ARHGEF10L: variants seen among roughly 807,000 people sequenced by gnomAD.
The protein encoded by ARHGEF10L is Rho guanine nucleotide exchange factor 10 like, also known as rho guanine nucleotide exchange factor 10-like protein.
In ARHGEF10L, 69 loss-of-function variants were observed where a neutral mutation model predicts 141.2. The ratio of observed to expected loss-of-function variants is 0.49; its 90% CI spans 0.40 to 0.60. The LOEUF is 0.60. ARHGEF10L is among the 20% of genes least tolerant of loss of function. The pLI is 0.00. For missense variants in ARHGEF10L, 1,482 were observed against 1,734.3 expected, an observed-to-expected ratio of 0.85 and a Z score of 2.58; for synonymous variants, 711 against 718.5, an observed-to-expected ratio of 0.99 and a Z score of 0.17.
intron 26 of ARHGEF10L, 45 bp downstream of exon 26, chr1:17,664,640 C>G (rs1276362733): frequency 1.4e-6 from 2 of 1,473,666 alleles, no homozygotes; most frequent in African/African-American, 2.8e-5. Flanking sequence ...GCCTGCCTTC[C>G]TTTTGCTGAC....
chr1:17,642,494 G>A (rs2061381548), intron 21 of ARHGEF10L, among the ~76,000 whole-genome samples: 1 of 152,172 alleles, frequency 6.6e-6, no homozygotes, highest in Non-Finnish European at 1.5e-5. Flanking sequence ...ATAGTGTCCC[G>A]ATCTGATTTT....
rs1456454375 is a variant in ARHGEF10L, at chr1:17,588,474, C to T, written c.252C>T (p.Gly84=). The T allele has an allele frequency of 1.2e-6, 2 of 1,613,980 alleles. No individual in the cohort carries two copies. The highest frequency in any genetic ancestry group is 1.7e-6 in the Non-Finnish European group (2 of 1,179,936). Residue 84 remains glycine (G), a synonymous_variant, in exon 4 of 29, where the codon GGC becomes GGT. Coordinates refer to ENST00000361221, the MANE Select transcript of ARHGEF10L (RefSeq NM_018125.4). ...TDPDPAAAPP[G]TGVPAWVSNG... ...CAGACCCAGCAGCTGCTCCACCCGG[C>T]ACAGGGTAAGTGAACCTTGCTCCTT...
chr1:17,533,378 C>T, the ARHGEF10L span, among the ~76,000 whole-genome samples: 1 of 151,960 alleles, frequency 6.6e-6, no homozygotes, highest in Non-Finnish European at 1.5e-5. Context: ...CTATGTTGCC[C>T]AGGCTGGTCT....
chr1:17,568,570 G>A (rs1216690649), intron 1 of ARHGEF10L, among the ~76,000 whole-genome samples: 1 of 152,230 alleles, frequency 6.6e-6, no homozygotes, highest in Non-Finnish European at 1.5e-5. Flanking sequence ...CACTGGGCAA[G>A]CAGTGGTGTC....
At chr1:17,635,230 A>C (rs2060929325) in intron 18 of ARHGEF10L, among the ~76,000 whole-genome samples, 1 of 152,018 alleles carries the variant, frequency 6.6e-6, no homozygotes, top group African/African-American at 2.4e-5. Context: ...GCATCTCCCA[A>C]TCCACACACT....
intron 27 of ARHGEF10L, 156 bp from the exon 28 acceptor site, chr1:17,695,002 G>C (rs1015669078): frequency 1.8e-6 from 2 of 1,087,760 alleles, no homozygotes; most frequent in Non-Finnish European, 2.8e-6. Context: ...AGGCAGGTCA[G>C]CCTCCAAAGC....
chr1:17,637,576 G>A (rs1016457799), intron 18 of ARHGEF10L, among the ~76,000 whole-genome samples: 2 of 151,984 alleles, frequency 1.3e-5, no homozygotes, highest in African/African-American at 4.8e-5. Flanking sequence ...TCGGCTCACT[G>A]CAAGCTCCGC....
intron 26 of ARHGEF10L, among the ~76,000 whole-genome samples, chr1:17,670,211 C>T (rs1410569112): frequency 5.3e-5 from 8 of 152,264 alleles, no homozygotes; most frequent in Admixed American, 4.6e-4. Flanking sequence ...GCGCCTTGTC[C>T]AGCTGGTCCC....
At chr1:17,606,374 G>C (rs2081172362) in intron 6 of ARHGEF10L, among the ~76,000 whole-genome samples, 2 of 151,368 alleles carry the variant, frequency 1.3e-5, no homozygotes, top group African/African-American at 2.4e-5. Context: ...GCTCACTGCA[G>C]CTTCCGCCTC....
intron 4 of ARHGEF10L, among the ~76,000 whole-genome samples, chr1:17,598,203 G>A (rs961665438): frequency 9.9e-5 from 15 of 151,892 alleles, no homozygotes; most frequent in African/African-American, 3.6e-4. Context: ...CCGGGTTCAA[G>A]CGATTCTCCC....
intron 1 of ARHGEF10L, among the ~76,000 whole-genome samples, chr1:17,574,897 G>A (rs1027368384): frequency 6.6e-6 from 1 of 152,132 alleles, no homozygotes. Context: ...TCCGGGCCCC[G>A]GGCTTTCAGG....
At chr1:17,569,446 GCTGCTGGC>G (rs1299424518) in intron 1 of ARHGEF10L, among the ~76,000 whole-genome samples, 2 of 152,214 alleles carry the variant, frequency 1.3e-5, no homozygotes, top group Non-Finnish European at 2.9e-5. Context: ...GACCTCAGAT[GCTGCTGGC>G]CTGCTTGCCC....
upstream of ARHGEF10L, among the ~76,000 whole-genome samples, chr1:17,534,880 T>G (rs536628636): frequency 6.6e-6 from 1 of 152,256 alleles, no homozygotes; most frequent in Non-Finnish European, 1.5e-5. Flanking sequence ...TGAGCCACCA[T>G]GCCGGGCCAC....
intron 22 of ARHGEF10L, among the ~76,000 whole-genome samples, chr1:17,650,504 A>G (rs1294212517): frequency 6.6e-6 from 1 of 151,918 alleles, no homozygotes; most frequent in Non-Finnish European, 1.5e-5. Context: ...AGGCCAAGGC[A>G]GGTGGATCAC....
At chr1:17,567,297 A>C (rs1316349531) in intron 1 of ARHGEF10L, among the ~76,000 whole-genome samples, 3 of 152,164 alleles carry the variant, frequency 2.0e-5, no homozygotes, top group Admixed American at 1.3e-4. Context: ...TCCTGTGTCA[A>C]GTGACATTGG....
chr1:17,583,343 T>C (rs557790066), intron 2 of ARHGEF10L, among the ~76,000 whole-genome samples: 2 of 152,092 alleles, frequency 1.3e-5, no homozygotes, highest in African/African-American at 2.4e-5. Flanking sequence ...GACTGGGCTA[T>C]GACAAGGCTG....
In ARHGEF10L at chr1:17,654,004, C is replaced by T. The variant is rs542333750; in HGVS notation, c.2395-632C>T. On this transcript the variant is annotated intron_variant, in intron 22 of 28. Coordinates refer to ENST00000361221, the MANE Select transcript of ARHGEF10L (RefSeq NM_018125.4). This position sits in a 1 kb window ranked among gnomAD's most constrained non-coding sequence, Gnocchi z 4.3. ...GTGGTCGGCTGCATCCTCCTTCCAG[C>T]CAAGAGCAGTCTCTACTCTGTCTTC... is the stretch of plus-strand genomic sequence containing the variant. Among the ~76,000 whole-genome samples the T allele has an allele frequency of 6.6e-6, 1 of 152,348 alleles. No homozygotes were observed. Among genetic ancestry groups the T allele is most frequent in the East Asian group, 1.9e-4 (1 of 5,190 alleles).
At position 17,603,600 on chromosome 1, in the gene ARHGEF10L, T is replaced by G; in HGVS notation, c.433+9T>G. 1 of 1,606,802 alleles carries G rather than the reference T, an allele frequency of 6.2e-7. No individual in the cohort carries two copies. The highest frequency in any genetic ancestry group is 8.5e-7 in the Non-Finnish European group (1 of 1,176,140). On this transcript the variant is annotated intron_variant, in intron 6 of 28. Transcript: ENST00000361221. The surrounding 1 kb of genome is among the most constrained non-coding windows in gnomAD (Gnocchi z 4.8). ...AGATGCGCATCAGCCCGGTATGATGTCTGCAGTGCTTCCCTGTTTCTCTTG... is the reference window on the plus strand; with the variant it reads ...AGATGCGCATCAGCCCGGTATGATGGCTGCAGTGCTTCCCTGTTTCTCTTG...
chr1:17,606,722 G>A (rs938572906), intron 6 of ARHGEF10L, among the ~76,000 whole-genome samples: 1 of 151,862 alleles, frequency 6.6e-6, no homozygotes, highest in South Asian at 2.1e-4. Flanking sequence ...CCAGTTTCAT[G>A]AGGTCTGCAG....
Sources: gnomAD v4.1 joint callset for allele counts (sites outside exome capture counted in the v4.1 genomes callset) on GRCh38, gnomAD v4.1.1 for gene constraint, Gnocchi (gnomAD v3.1) non-coding constraint, MANE v1.5 for transcripts, NCBI Gene and HGNC (gene_info 2026-07-23, HGNC 2026-07-21) for gene names.